Variants in CFAP47 observed in about 807,000 individuals in gnomAD.
The protein encoded by CFAP47 is cilia- and flagella-associated protein 47.
A neutral mutation model predicts 148.1 loss-of-function variants in CFAP47; 29 were observed. The observed-to-expected ratio is 0.20, with a 90% CI of 0.15 to 0.27. The LOEUF (loss-of-function observed/expected upper bound fraction) is 0.27. CFAP47 is among the 10% of genes least tolerant of loss of function. The pLI is 1.00. For synonymous variants in CFAP47, 664 were observed against 577.3 expected, an observed-to-expected ratio of 1.15 and a Z score of -2.15; for missense variants, 1,872 against 1,697.5, an observed-to-expected ratio of 1.10 and a Z score of -1.81.
intron 48 of CFAP47, among the ~76,000 whole-genome samples, chrX:36,239,433 A>G (rs782269387): frequency 7.1e-5 from 8 of 112,243 alleles, no homozygotes; most frequent in Non-Finnish European, 1.3e-4. Flanking sequence ...GCAGTCTTGC[A>G]ACTGTAGTAA....
intron 57 of CFAP47, among the ~76,000 whole-genome samples, chrX:36,346,096 A>G (rs1053735395): frequency 1.8e-5 from 2 of 112,114 alleles, no homozygotes; most frequent in Non-Finnish European, 3.8e-5. Context: ...AAATGTAGAC[A>G]TTCATAGGCT....
intron 29 of CFAP47, among the ~76,000 whole-genome samples, chrX:36,079,145 A>C (rs1224846991): frequency 3.6e-5 from 4 of 110,715 alleles, no homozygotes; most frequent in Non-Finnish European, 7.6e-5. Flanking sequence ...GAATCTGACA[A>C]TTATGTGTCT....
Position 36,039,160 on chromosome X carries a change from T to G in CFAP47, c.3988T>G (p.Leu1330Val). Residue 1330 changes from leucine to valine, a missense_variant, in exon 25 of 64, where the codon TTA (leucine) becomes GTA (valine). Transcript: ENST00000378653. ...DITTVMDINILPQNYFRNSTL... is the reference protein window; with the variant it reads ...DITTVMDINIVPQNYFRNSTL... ...AACAACTGTAATGGATATCAACATT[T>G]TACCTCAAAACTATTTCAGGTAAAT... 1.9e-6 allele frequency: 2 copies of G among 1,066,527 alleles called. No individual in the cohort carries two copies. Among genetic ancestry groups the G allele is most frequent in the Non-Finnish European group, 2.5e-6 (2 of 799,613 alleles). The allele number at this position is 1,066,527 out of a possible 1,213,427, so 87.9% of individuals were successfully genotyped here. A position where few individuals can be genotyped will look rare whatever the true frequency, so the allele number is the denominator to read the frequency against.
chrX:35,997,272 T>G (rs1601922950), intron 18 of CFAP47, 40 bp from the exon 19 acceptor site: 1 of 289,496 alleles, frequency 3.5e-6, no homozygotes, highest in South Asian at 2.1e-4. Flanking sequence ...GATTATATTT[T>G]AATGTGGTTT....
intron 42 of CFAP47, among the ~76,000 whole-genome samples, chrX:36,196,601 C>G (rs1939923525): frequency 9.0e-6 from 1 of 110,815 alleles, no homozygotes; most frequent in South Asian, 3.8e-4. Flanking sequence ...GTTTGTATCC[C>G]TCTTTTCTGG....
chrX:36,353,948 A>T (rs1941764160), intron 60 of CFAP47, among the ~76,000 whole-genome samples: 1 of 111,872 alleles, frequency 8.9e-6, no homozygotes, highest in African/African-American at 3.2e-5. Flanking sequence ...AACTGTAGTA[A>T]CTATAATTTC....
intron 33 of CFAP47, among the ~76,000 whole-genome samples, chrX:36,115,688 T>A (rs1382701229): frequency 9.0e-6 from 1 of 111,270 alleles, no homozygotes; most frequent in Non-Finnish European, 1.9e-5. Flanking sequence ...AAAATTAGGT[T>A]TTTTTAAAAG....
intron 57 of CFAP47, among the ~76,000 whole-genome samples, chrX:36,320,422 A>C (rs1395331306): frequency 8.9e-6 from 1 of 111,962 alleles, no homozygotes; most frequent in Non-Finnish European, 1.9e-5. Context: ...AAAACATCCT[A>C]AATGTCATTA....
In CFAP47 at chrX:36,343,795, C is replaced by T. The variant is rs782288828; in HGVS notation, c.8444-4334C>T. On this transcript the variant is annotated intron_variant, in intron 57 of 63. Coordinates refer to ENST00000378653, the MANE Select transcript of CFAP47 (RefSeq NM_001304548.2). ...CATAGAAAATAAAACTAATTTGTCC[C>T]CAGAGTGTGATATTCCCCTTCATGT... Among the ~76,000 whole-genome samples, 126 of 110,681 alleles carry T rather than the reference C, an allele frequency of 1.1e-3. 1 individual carries two copies. Among genetic ancestry groups the T allele is most frequent in the African/African-American group, 3.9e-3 (118 of 30,458 alleles).
rs1556009814 is a variant in CFAP47, at chrX:36,310,899, A to G, written c.8254A>G (p.Ile2752Val). 8.7e-7 allele frequency: 1 copy of G among 1,143,586 alleles called. No individual in the cohort carries two copies. Among genetic ancestry groups the G allele is most frequent in the East Asian group, 3.3e-5 (1 of 30,456 alleles). 94.2% of individuals were successfully genotyped at this position (1,143,586 alleles called of 1,213,427 possible). The stretch of plus-strand genomic sequence containing the variant: ...TCCCCAGCCTCTAGACACGGAAAGA[A>G]TAACCACACGCATTGGTCTTCAGTC... ...LFPQPLDTERITTRIGLQSTI... is the reference protein window; with the variant it reads ...LFPQPLDTERVTTRIGLQSTI... The change falls in exon 56 of 64, where the codon ATA becomes GTA. Residue 2752 changes from isoleucine to valine, a missense_variant. Coordinates refer to ENST00000378653, the MANE Select transcript of CFAP47 (RefSeq NM_001304548.2).
intron 40 of CFAP47, among the ~76,000 whole-genome samples, chrX:36,186,129 T>C (rs2146872247): frequency 8.9e-6 from 1 of 112,014 alleles, no homozygotes; most frequent in South Asian, 3.7e-4. Context: ...TTAAAAGCAG[T>C]GATGAACATA....
intron 37 of CFAP47, among the ~76,000 whole-genome samples, chrX:36,154,327 A>C: frequency 8.9e-6 from 1 of 112,193 alleles, no homozygotes; most frequent in South Asian, 3.7e-4. Flanking sequence ...TCCAGGAAAC[A>C]CCAGGACACA....
At chrX:36,030,535 T>C (rs1033420592) in intron 22 of CFAP47, among the ~76,000 whole-genome samples, 3 of 110,915 alleles carry the variant, frequency 2.7e-5, no homozygotes, top group South Asian at 7.4e-4. Flanking sequence ...CTATCCCACA[T>C]GTCCTGGCCC....
At chrX:36,364,481 G>T (rs1602127834) in intron 61 of CFAP47, among the ~76,000 whole-genome samples, 1 of 108,417 alleles carries the variant, frequency 9.2e-6, no homozygotes, top group Admixed American at 1.0e-4. Context: ...AATAAATAAA[G>T]GGAGATAGAG....
At chrX:35,942,428 T>A (rs184781375) in intron 3 of CFAP47, among the ~76,000 whole-genome samples, 2 of 111,365 alleles carry the variant, frequency 1.8e-5, no homozygotes, top group Admixed American at 1.9e-4. Context: ...ATGCTTTGGT[T>A]TTTAAATGAG....
At chrX:36,021,556 T>G (rs1484233516) in intron 22 of CFAP47, among the ~76,000 whole-genome samples, 2 of 111,468 alleles carry the variant, frequency 1.8e-5, no homozygotes, top group Non-Finnish European at 3.8e-5. Flanking sequence ...ATGTGCAGGT[T>G]TGTTACATAG....
rs1292219665 is a variant in CFAP47 at position 36,379,506 on chromosome X, A to G, written c.9342A>G (p.Thr3114=). The G allele has an allele frequency of 4.3e-6, 5 of 1,155,900 alleles. No individual in the cohort carries two copies. Among genetic ancestry groups the G allele is most frequent in the Non-Finnish European group, 5.8e-6 (5 of 863,378 alleles). The change falls in exon 63 of 64, where the codon ACA becomes ACG. Residue 3114 remains threonine, a synonymous_variant. Coordinates refer to ENST00000378653, the MANE Select transcript of CFAP47 (RefSeq NM_001304548.2). Reference sequence around the variant, plus strand: ...TGTACTGTAGGAAATATAAAGCAACATTAGTAATACAGGTGAGTTCTATAA... The same window carrying G: ...TGTACTGTAGGAAATATAAAGCAACGTTAGTAATACAGGTGAGTTCTATAA... ...PKMYCRKYKA[T]LVIQTEEMYW... is the part of the protein sequence containing the mutation.
chrX:36,065,568 T>C, intron 26 of CFAP47, 75 bp from the exon 27 acceptor site: 2 of 556,988 alleles, frequency 3.6e-6, no homozygotes, highest in South Asian at 5.6e-5. Flanking sequence ...TAAGGGCATC[T>C]GGGATACTTA....
chrX:36,197,406 ACT>A (rs1939931302), intron 42 of CFAP47, among the ~76,000 whole-genome samples: 1 of 112,149 alleles, frequency 8.9e-6, no homozygotes, highest in Admixed American at 9.5e-5. Context: ...AGTTATAATA[ACT>A]CTACACTCAA....
Sources: allele counts gnomAD v4.1 joint callset (sites outside exome capture counted in the v4.1 genomes callset), GRCh38; gene constraint gnomAD v4.1.1; transcripts MANE v1.5; gene names NCBI Gene and HGNC (gene_info 2026-07-23, HGNC 2026-07-21).